The following MKI67 variants were observed in gnomAD, a reference collection of about 807,000 sequenced individuals.
MKI67 encodes the protein marker of proliferation Ki-67, also known as proliferation marker protein Ki-67.
MKI67 carries 152 observed loss-of-function variants against 233.5 expected under a neutral mutation model. The ratio of observed to expected loss-of-function variants is 0.65; its 90% CI spans 0.57 to 0.74. The LOEUF (loss-of-function observed/expected upper bound fraction) is 0.74. Among genes scored for constraint, MKI67 ranks in the 30% least tolerant of loss-of-function variants. MKI67 has a pLI of 0.00. For missense variants in MKI67, 3,940 were observed against 3,885.2 expected, an observed-to-expected ratio of 1.01 and a Z score of -0.37; for synonymous variants, 1,465 against 1,418.5, an observed-to-expected ratio of 1.03 and a Z score of -0.74.
At chr10:128,112,530 A>G in intron 8 of MKI67, 85 bp from the exon 9 acceptor site, 1 of 1,311,608 alleles carries the variant, frequency 7.6e-7, no homozygotes, top group East Asian at 2.3e-5. Context: ...TCAGTTAAGA[A>G]TTTCAGCTGT....
intron 5 of MKI67, among the ~76,000 whole-genome samples, chr10:128,117,317 G>A (rs760882682): frequency 6.6e-5 from 10 of 152,228 alleles, no homozygotes; most frequent in African/African-American, 2.4e-4. Context: ...CCTCTTGGCT[G>A]GTGGATACTT....
In MKI67 at chr10:128,125,145, TTC is replaced by T. The variant is rs1457997241; in HGVS notation, c.92+429_92+430del. On this transcript the variant is annotated intron_variant, in intron 2 of 14. Coordinates refer to ENST00000368654, the MANE Select transcript of MKI67 (RefSeq NM_002417.5). The surrounding 1 kb of genome is among the most constrained non-coding windows in gnomAD (Gnocchi z 5.3). ...TTCTCGAATTCCAGGCAGGAAGACT[TTC>T]TGTCCCATTTTCCTATTGCCACAAG... Among the ~76,000 whole-genome samples the T allele has an allele frequency of 2.0e-5, 3 of 152,162 alleles. No individual in the cohort carries two copies. Among genetic ancestry groups the T allele is most frequent in the Non-Finnish European group, 4.4e-5 (3 of 68,022 alleles).
chr10:128,102,953 G>T lies in MKI67; in HGVS notation c.8887C>A (p.Leu2963Ile), dbSNP rs1724362106. 4 of 1,614,122 alleles carry T rather than the reference G, an allele frequency of 2.5e-6. No homozygotes were observed. The South Asian group carries it at 4.4e-5, about 18-fold the overall frequency. ...ACGGGTTCTACTTTAGGGGCCCGAA[G>T]AACTCTTCTGGATATTTTTAGAGGT... ...GKPLKISRRV[L>I]RAPKVEPVGD... Residue 2963 changes from leucine to isoleucine, a missense_variant, in exon 13 of 15, where the codon CTT (leucine) becomes ATT (isoleucine). Leu to Ile is a conservative substitution (Grantham distance 5, BLOSUM62 2). Coordinates refer to ENST00000368654, the MANE Select transcript of MKI67 (RefSeq NM_002417.5).
rs1472848853 is a variant in MKI67 at position 128,108,278 on chromosome 10, T to C, written c.3562A>G (p.Lys1188Glu). Residue 1188 changes from lysine to glutamate, a missense_variant, in exon 13 of 15, where the codon AAA becomes GAA. Physicochemically the swap from Lys to Glu is moderately conservative, Grantham distance 56. Transcript: ENST00000368654. Reference protein sequence around the residue: ...KPAGGDEKDIKAFMGTPVQKL... With the variant: ...KPAGGDEKDIEAFMGTPVQKL... ...TGCACTGGAGTTCCCATAAATGCTT[T>C]AATGTCTTTCTCATCACCTCCTGCT... 1 of 1,614,060 alleles carries C rather than the reference T, an allele frequency of 6.2e-7. No homozygotes were observed. The highest frequency in any genetic ancestry group is 1.7e-5 in the Admixed American group (1 of 59,996).
At chr10:128,121,979 A>C (rs1852958346) in intron 4 of MKI67, among the ~76,000 whole-genome samples, 1 of 152,176 alleles carries the variant, frequency 6.6e-6, no homozygotes, top group South Asian at 2.1e-4. Context: ...ATGCTTAGGT[A>C]GTGAAACTCG....
At chr10:128,120,273 T>A (rs1392544798) in intron 4 of MKI67, among the ~76,000 whole-genome samples, 1 of 152,152 alleles carries the variant, frequency 6.6e-6, no homozygotes, top group Non-Finnish European at 1.5e-5. Context: ...GGTGGATCAC[T>A]TGAGACCAAG....
At position 128,098,856 on chromosome 10, in the gene MKI67, C is replaced by T. The variant is rs181878393; in HGVS notation, c.*334G>A. 11 of 192,114 alleles carry T rather than the reference C, an allele frequency of 5.7e-5. No individual in the cohort carries two copies. In the South Asian group the frequency reaches 1.2e-3, roughly 21 times the overall value. 11.9% of individuals were successfully genotyped at this position (192,114 alleles called of 1,614,324 possible). On this transcript the variant is annotated 3_prime_UTR_variant, in exon 15 of 15. Transcript: ENST00000368654. ...CTGGAGGACATAGGCAAACAAACGA[C>T]GACACAGTGTGGCAAGTGTCACAGT...
intron 2 of MKI67, among the ~76,000 whole-genome samples, chr10:128,123,712 T>C (rs779122462): frequency 1.5e-4 from 23 of 152,244 alleles, no homozygotes; most frequent in African/African-American, 2.2e-4. Context: ...AAATGCTCAT[T>C]ATGGGTAAGC....
rs1158499483 is a variant in MKI67 at position 128,115,669 on chromosome 10, C to T, written c.739G>A (p.Glu247Lys). 1.9e-6 allele frequency: 3 copies of T among 1,613,712 alleles called. No homozygotes were observed. Among genetic ancestry groups the T allele is most frequent in the South Asian group, 2.2e-5 (2 of 91,026 alleles). The stretch of plus-strand genomic sequence containing the variant: ...TCTTTTTGTGATTTTACATCCAACT[C>T]TTTCTTCACTGACTCATAAAGCTTC... ...FWKLYESVKK[E>K]LDVKSQKENV... Residue 247 changes from glutamate to lysine, a missense_variant, in exon 7 of 15, where the codon GAG (glutamate) becomes AAG (lysine). Coordinates refer to ENST00000368654, the MANE Select transcript of MKI67 (RefSeq NM_002417.5).
In MKI67 at chr10:128,112,429, G is replaced by A; in HGVS notation, c.1673C>T (p.Ser558Leu). Residue 558 changes from serine (S) to leucine (L), a missense_variant, in exon 9 of 15, where the codon TCA becomes TTA. Ser to Leu is a moderately radical substitution (Grantham distance 145). Transcript: ENST00000368654. Reference protein sequence around the residue: ...KKIIKEQPQPSGKQESGSEIH... With the variant: ...KKIIKEQPQPLGKQESGSEIH... ...TTCTGAACCTGACTCTTGTTTTCCT[G>A]ATGGTTGAGGCTGTTCCTGACAAGA... The A allele has an allele frequency of 6.2e-7, 1 of 1,614,060 alleles. No homozygotes were observed. Among genetic ancestry groups the A allele is most frequent in the Non-Finnish European group, 8.5e-7 (1 of 1,179,932 alleles).
Position 128,104,324 on chromosome 10 carries a change from CT to C in MKI67, c.7515del (p.Glu2507ArgfsTer33). On this transcript the variant is annotated frameshift_variant, in exon 13 of 15. Transcript: ENST00000368654. LOFTEE classifies it high-confidence loss of function. ...TCTGTGTGTGTTTGCGTAGTCTCCC[CT>C]GATGTCCGTGTGAGCTTGCTGACTG... ...PLAVSKLTRT[S>X]GETTQTHTEP... The C allele has an allele frequency of 6.2e-7, 1 of 1,614,200 alleles. No homozygotes were observed. The highest frequency in any genetic ancestry group is 1.7e-5 in the Admixed American group (1 of 60,018).
At position 128,101,601 on chromosome 10, in the gene MKI67, T is replaced by G; in HGVS notation, c.9362A>C (p.Glu3121Ala). 1 of 1,614,184 alleles carries G rather than the reference T, an allele frequency of 6.2e-7. No individual in the cohort carries two copies. Among genetic ancestry groups the G allele is most frequent in the Non-Finnish European group, 8.5e-7 (1 of 1,180,034 alleles). The change falls in exon 14 of 15, where the codon GAA (glutamate) becomes GCA (alanine). Residue 3121 changes from glutamate to alanine, a missense_variant. Physicochemically the swap from Glu to Ala is moderately radical, Grantham distance 107. Coordinates refer to ENST00000368654, the MANE Select transcript of MKI67 (RefSeq NM_002417.5). The part of the protein sequence containing the change: ...LAERIEINRN[E>A]KKPMKTSPEM... ...TGGGGAGGTCTTCATGGGCTTCTTT[T>G]CATTTCTGTTTATTTCTATTCTTTC...
In MKI67 at chr10:128,103,257, G is replaced by C; in HGVS notation, c.8583C>G (p.Leu2861=). The C allele has an allele frequency of 6.2e-7, 1 of 1,614,148 alleles. No individual in the cohort carries two copies. Among genetic ancestry groups the C allele is most frequent in the Non-Finnish European group, 8.5e-7 (1 of 1,180,006 alleles). Residue 2861 remains leucine (L), a synonymous_variant, in exon 13 of 15, where the codon CTC becomes CTG. Transcript: ENST00000368654. ...GCGTGGTCTCCCCTGAGGTTTGTGT[G>C]AGCTTGCCAACTGCTAACAGCTCCT... ...VKEELLAVGK[L]TQTSGETTHT...
chr10:128,109,961 G>A (rs1297903058), intron 12 of MKI67, among the ~76,000 whole-genome samples: 5 of 152,104 alleles, frequency 3.3e-5, no homozygotes, highest in African/African-American at 4.8e-5. Flanking sequence ...CACTTACCCC[G>A]GGCCTGCTCC....
Position 128,105,390 on chromosome 10 carries a change from T to C in MKI67, c.6450A>G (p.Pro2150=), listed in dbSNP as rs781162937. 6.2e-6 allele frequency: 10 copies of C among 1,614,100 alleles called. No homozygotes were observed. In the African/African-American group the frequency reaches 8.0e-5, roughly 13 times the overall value. ...LTQTTHTDKV[P]GDEDKGINVF... ...CGTTGATGCCTTTATCCTCATCTCC[T>C]GGTACTTTGTCTGTGTGTGTGGTCT... Residue 2150 remains proline (P), a synonymous_variant, in exon 13 of 15, where the codon CCA becomes CCG. Transcript: ENST00000368654.
In MKI67 at chr10:128,099,264, G is replaced by T. The variant is rs751147852; in HGVS notation, c.9706-9C>A. 6.2e-7 allele frequency: 1 copy of T among 1,603,900 alleles called. No homozygotes were observed. ...CACACATTGTCCTCAGCCTGTGTGG[G>T]AAGAAAAAAAATAGAACTCTTAAGT... is the stretch of plus-strand genomic sequence containing the variant. On this transcript the variant is annotated splice_polypyrimidine_tract_variant and intron_variant, in intron 14 of 14. Coordinates refer to ENST00000368654, the MANE Select transcript of MKI67 (RefSeq NM_002417.5).
In MKI67 at chr10:128,115,817, A is replaced by G. The variant is rs1477399981; in HGVS notation, c.591T>C (p.Asp197=). 6.2e-7 allele frequency: 1 copy of G among 1,610,200 alleles called. No individual in the cohort carries two copies. The highest frequency in any genetic ancestry group is 2.2e-5 in the East Asian group (1 of 44,886). ...TTTCTTTAAAATCCCCAGAAATGGG[A>G]TCAGCTGCATTTCTGCCATTACGTC... ...HAGRNGRNAA[D]PISGDFKEIS... Residue 197 remains aspartate (D), a synonymous_variant, in exon 7 of 15, where the codon GAT becomes GAC. Transcript: ENST00000368654.
rs1447248859 is a variant in MKI67 at position 128,111,784 on chromosome 10, A to G, written c.2121T>C (p.Ser707=). The G allele has an allele frequency of 1.2e-6, 2 of 1,613,166 alleles. No homozygotes were observed. The highest frequency in any genetic ancestry group is 8.5e-7 in the Non-Finnish European group (1 of 1,179,832). The change falls in exon 11 of 15, where the codon AGT becomes AGC. Residue 707 remains serine, a synonymous_variant. Coordinates refer to ENST00000368654, the MANE Select transcript of MKI67 (RefSeq NM_002417.5). ...TACAAGGAGAGTTTGCGTGGCCTGT[A>G]CTAAATTGACTGTGAACTTCGCCCA... is the stretch of plus-strand genomic sequence containing the variant. The part of the protein sequence containing the change: ...KPVGEVHSQF[S]TGHANSPCTI...
Position 128,112,416 on chromosome 10 carries a change from C to G in MKI67, c.1686G>C (p.Glu562Asp), listed in dbSNP as rs768698587. ...CTTCCACATGGATTTCTGAACCTGA[C>G]TCTTGTTTTCCTGATGGTTGAGGCT... ...KEQPQPSGKQESGSEIHVEVK... is the reference protein window; with the variant it reads ...KEQPQPSGKQDSGSEIHVEVK... The change falls in exon 9 of 15, where the codon GAG becomes GAC. Residue 562 changes from glutamate (E) to aspartate (D), a missense_variant. Transcript: ENST00000368654. The G allele has an allele frequency of 1.1e-5, 17 of 1,613,990 alleles. No homozygotes were observed. Among genetic ancestry groups the G allele is most frequent in the Non-Finnish European group, 8.5e-7 (1 of 1,179,986 alleles).
Sources: allele counts gnomAD v4.1 joint callset (sites outside exome capture counted in the v4.1 genomes callset), GRCh38; gene constraint gnomAD v4.1.1; non-coding constraint Gnocchi (gnomAD v3.1); transcripts MANE v1.5; gene names NCBI Gene and HGNC (gene_info 2026-07-23, HGNC 2026-07-21).